The following NOS2 variants were observed in gnomAD, a reference collection of about 807,000 sequenced individuals.
NOS2 encodes nitric oxide synthase 2.
NOS2 carries 96 observed loss-of-function variants against 136.0 expected under a neutral mutation model. That is an observed-to-expected ratio of 0.71 (90% CI 0.60 to 0.84). The LOEUF is 0.84. NOS2 is among the 40% of genes least tolerant of loss of function. The probability of loss-of-function intolerance (pLI) is 0.00; values close to 1 mark genes in which losing one functional copy is unlikely to be tolerated. For missense variants in NOS2, 1,237 were observed against 1,496.9 expected, an observed-to-expected ratio of 0.83 and a Z score of 2.87; for synonymous variants, 539 against 587.5, an observed-to-expected ratio of 0.92 and a Z score of 1.20.
chr17:27,782,462 C>A (rs1017798213), intron 6 of NOS2, among the ~76,000 whole-genome samples: 7 of 152,198 alleles, frequency 4.6e-5, no homozygotes, highest in African/African-American at 1.7e-4. Flanking sequence ...CCAGCACATA[C>A]TACACAGCCA....
intron 2 of NOS2, among the ~76,000 whole-genome samples, chr17:27,796,034 G>T (rs1037440711): frequency 1.4e-4 from 22 of 152,184 alleles, no homozygotes; most frequent in African/African-American, 4.3e-4. Flanking sequence ...AGGGTTTTGG[G>T]AGATTCAGGG....
intron 22 of NOS2, 129 bp downstream of exon 22, chr17:27,762,669 G>A: frequency 1.5e-6 from 1 of 689,190 alleles, no homozygotes; most frequent in East Asian, 2.8e-5. Flanking sequence ...TCCTAATACT[G>A]TTAACAACTC....
intron 21 of NOS2, 77 bp from the exon 22 acceptor site, chr17:27,763,082 C>T: frequency 3.4e-6 from 3 of 891,542 alleles, no homozygotes; most frequent in East Asian, 5.4e-5. Context: ...ACCCAGTATT[C>T]ATTCATTCAT....
In NOS2 at chr17:27,769,560, G is replaced by A. The variant is rs1317067625; in HGVS notation, c.1834C>T (p.Leu612=). Residue 612 remains leucine (L), a synonymous_variant, in exon 16 of 27, where the codon CTG becomes TTG. Coordinates refer to ENST00000313735, the MANE Select transcript of NOS2 (RefSeq NM_000625.4). The part of the protein sequence containing the change: ...GEKLKKSLFM[L]KELNNKFRYA... ...CTGAATTTGTTGTTGAGCTCTTTCA[G>A]CATGAAGAGCGATTTCTTCAGTTTC... The A allele has an allele frequency of 2.5e-6, 4 of 1,613,658 alleles. No homozygotes were observed. Among genetic ancestry groups the A allele is most frequent in the Admixed American group, 1.7e-5 (1 of 60,026 alleles).
intron 2 of NOS2, chr17:27,793,732 C>G (rs1414414968): frequency 2.6e-6 from 1 of 391,220 alleles, no homozygotes; most frequent in Non-Finnish European, 4.5e-6. Context: ...TGGCTCCACG[C>G]GCCTCCCAGC....
In NOS2 at chr17:27,773,249, G is replaced by A; in HGVS notation, c.1477-6C>T. The A allele has an allele frequency of 6.2e-7, 1 of 1,610,758 alleles. No individual in the cohort carries two copies. The highest frequency in any genetic ancestry group is 8.5e-7 in the Non-Finnish European group (1 of 1,177,440). ...TGGGTTTTCCAGGCCTCTACCTTCA[G>A]AAAAGAAAGGAGATGTGAGGGCAGG... On this transcript the variant is annotated splice_region_variant and splice_polypyrimidine_tract_variant and intron_variant, in intron 12 of 26. Coordinates refer to ENST00000313735, the MANE Select transcript of NOS2 (RefSeq NM_000625.4).
chr17:27,761,337 C>T, intron 22 of NOS2, 106 bp from the exon 23 acceptor site: 3 of 786,796 alleles, frequency 3.8e-6, no homozygotes, highest in Non-Finnish European at 6.3e-6. Flanking sequence ...CCCACTCAGG[C>T]ACTCTCAGGA....
In NOS2 at chr17:27,762,862, G is replaced by A. The variant is rs949216330; in HGVS notation, c.2736C>T (p.Ser912=). ...ILKPRFYSIS[S]SRDHTPTEIH... is the part of the protein sequence containing the mutation. ...TCTCTGTGGGCGTGTGATCCCGGGAGGAGCTGATGGAGTAGAACCTGGGCT... is the reference window on the plus strand; with the variant it reads ...TCTCTGTGGGCGTGTGATCCCGGGAAGAGCTGATGGAGTAGAACCTGGGCT... Residue 912 remains serine (S), a synonymous_variant, in exon 22 of 27, where the codon TCC becomes TCT. Transcript: ENST00000313735. 4.4e-6 allele frequency: 7 copies of A among 1,576,956 alleles called. No homozygotes were observed. The highest frequency in any genetic ancestry group is 1.8e-4 in the Middle Eastern group (1 of 5,572).
chr17:27,761,334 A>C (rs1365296642), intron 22 of NOS2, 103 bp from the exon 23 acceptor site: 23 of 779,430 alleles, frequency 3.0e-5, no homozygotes, highest in Non-Finnish European at 4.4e-5. Flanking sequence ...GCCCCCACTC[A>C]GGCACTCTCA....
At chr17:27,791,203 G>T (rs547796533) in intron 2 of NOS2, among the ~76,000 whole-genome samples, 1 of 152,182 alleles carries the variant, frequency 6.6e-6, no homozygotes, top group Admixed American at 6.5e-5. Context: ...CTGAATCAAG[G>T]GATTCCACAA....
chr17:27,768,037 A>ACT (rs1291918776), intron 17 of NOS2, among the ~76,000 whole-genome samples, 200 bp from the exon 18 acceptor site: 1 of 152,180 alleles, frequency 6.6e-6, no homozygotes, highest in African/African-American at 2.4e-5. Context: ...AGCTATTGCT[A>ACT]CTATTATAAA....
At chr17:27,794,710 A>T in intron 2 of NOS2, among the ~76,000 whole-genome samples, 1 of 133,354 alleles carries the variant, frequency 7.5e-6, no homozygotes, top group African/African-American at 2.9e-5. Context: ...GTACACACAC[A>T]CGCGCACACA....
chr17:27,789,718 C>A (rs771538361), intron 2 of NOS2, 30 bp from the exon 3 acceptor site: 1 of 1,549,990 alleles, frequency 6.5e-7, no homozygotes, highest in Admixed American at 1.7e-5. Context: ...GCATGAGATG[C>A]GGTATCCAAG....
chr17:27,761,718 T>A (rs1457514875), intron 22 of NOS2, among the ~76,000 whole-genome samples: 1 of 152,118 alleles, frequency 6.6e-6, no homozygotes, highest in East Asian at 1.9e-4. Flanking sequence ...GTTCCGCGCA[T>A]TTCAGCCTGC....
In NOS2 at chr17:27,761,182, G is replaced by A. The variant is rs767318808; in HGVS notation, c.2850C>T (p.Ser950=). The change falls in exon 23 of 27, where the codon AGC becomes AGT. Residue 950 remains serine (S), a synonymous_variant. Coordinates refer to ENST00000313735, the MANE Select transcript of NOS2 (RefSeq NM_000625.4). ...AGGGCACTGGGTCTTGGGGCTTCAGGCTGTTGAGCCATGTGCTGCAGACGC... is the reference window on the plus strand; with the variant it reads ...AGGGCACTGGGTCTTGGGGCTTCAGACTGTTGAGCCATGTGCTGCAGACGC... The part of the protein sequence containing the change: ...HHGVCSTWLN[S]LKPQDPVPCF... The A allele has an allele frequency of 2.5e-6, 4 of 1,609,634 alleles. No individual in the cohort carries two copies. The highest frequency in any genetic ancestry group is 1.1e-5 in the South Asian group (1 of 90,228).
At chr17:27,779,119 T>A in intron 9 of NOS2, 63 bp from the exon 10 acceptor site, 1 of 1,243,730 alleles carries the variant, frequency 8.0e-7, no homozygotes. Flanking sequence ...TTATTATTTT[T>A]TTTTTAGTGA....
At chr17:27,779,369 T>C in intron 9 of NOS2, among the ~76,000 whole-genome samples, 1 of 151,442 alleles carries the variant, frequency 6.6e-6, no homozygotes, top group Non-Finnish European at 1.5e-5. Flanking sequence ...GGTCTCGAAC[T>C]ACTGGCCTCA....
chr17:27,778,534 C>T (rs1908733701), intron 11 of NOS2, among the ~76,000 whole-genome samples, 156 bp downstream of exon 11: 1 of 152,158 alleles, frequency 6.6e-6, no homozygotes, highest in East Asian at 1.9e-4. Flanking sequence ...TGCTCAAGTA[C>T]AGGGATTGAA....
At position 27,774,625 on chromosome 17, in the gene NOS2, G is replaced by A. The variant is rs1169169159; in HGVS notation, c.1282-174C>T. Among the ~76,000 whole-genome samples the A allele has an allele frequency of 5.9e-5, 9 of 152,236 alleles. No homozygotes were observed. In the East Asian group the frequency reaches 7.7e-4, roughly 13 times the overall value. The stretch of plus-strand genomic sequence containing the variant: ...GAAAATAAACACCCAAATGGAAGGC[G>A]CTTGTGGAGCCTCTGACAGAGCCCA... On this transcript the variant is annotated intron_variant, in intron 11 of 26. Transcript: ENST00000313735.
Sources: gnomAD v4.1 joint callset for allele counts (sites outside exome capture counted in the v4.1 genomes callset) on GRCh38, gnomAD v4.1.1 for gene constraint, MANE v1.5 for transcripts, NCBI Gene and HGNC (gene_info 2026-07-23, HGNC 2026-07-21) for gene names.